DPP6: variants seen among roughly 807,000 people sequenced by gnomAD.
DPP6 encodes A-type potassium channel modulatory protein DPP6.
In DPP6, 69 loss-of-function variants were observed where a neutral mutation model predicts 122.6. That is an observed-to-expected ratio of 0.56 (90% CI 0.46 to 0.69). The LOEUF is 0.69. DPP6 is among the 30% of genes least tolerant of loss of function. The pLI is 0.00. For missense variants in DPP6, 928 were observed against 1,116.9 expected, an observed-to-expected ratio of 0.83 and a Z score of 2.41; for synonymous variants, 418 against 433.1, an observed-to-expected ratio of 0.97 and a Z score of 0.43.
chr7:154,448,242 C>G (rs1820054655), intron 2 of DPP6, among the ~76,000 whole-genome samples: 1 of 152,136 alleles, frequency 6.6e-6, no homozygotes, highest in Non-Finnish European at 1.5e-5. Context: ...AGGAAGATTT[C>G]AGACCAAAAT....
intron 7 of DPP6, among the ~76,000 whole-genome samples, chr7:154,698,774 C>T (rs908755129): frequency 3.3e-5 from 5 of 152,222 alleles, no homozygotes; most frequent in Non-Finnish European, 7.3e-5. Context: ...ACCTCTGAGT[C>T]CTTCACGGTC....
intron 4 of DPP6, among the ~76,000 whole-genome samples, chr7:154,542,939 C>G (rs879748437): frequency 2.0e-5 from 3 of 152,182 alleles, no homozygotes; most frequent in African/African-American, 4.8e-5. Flanking sequence ...CAGCCCAGAA[C>G]CTGGGTACTC....
In DPP6 at chr7:154,000,058, C is replaced by T. The variant is rs564687546; in HGVS notation, c.51+112324C>T. Among the ~76,000 whole-genome samples the T allele has an allele frequency of 5.9e-5, 9 of 152,116 alleles. No individual in the cohort carries two copies. In the East Asian group the frequency reaches 1.7e-3, roughly 29 times the overall value. ...GGAAAAATAAGACTAAGTAAATTTGCTTTGTAATGTTTACAATACCGTATG... is the reference window on the plus strand; with the variant it reads ...GGAAAAATAAGACTAAGTAAATTTGTTTTGTAATGTTTACAATACCGTATG... On this transcript the variant is annotated intron_variant, in intron 1 of 25. Transcript: ENST00000404039.
chr7:153,965,637 C>G lies in DPP6; in HGVS notation c.51+77903C>G, dbSNP rs58988345. 4.1e-4 allele frequency among the ~76,000 whole-genome samples: 63 copies of G among 152,228 alleles called. No individual in the cohort carries two copies. The East Asian group carries it at 0.011, about 27-fold the overall frequency. ...ACGCCATTCTCCTGCCTCAGCCTCC[C>G]GAGTAGCTGGGACTACAGGCGCCCA... On this transcript the variant is annotated intron_variant, in intron 1 of 25. Coordinates refer to the DPP6 transcript ENST00000404039.
At chr7:154,469,094 G>T (rs372199013) in intron 2 of DPP6, among the ~76,000 whole-genome samples, 11 of 152,214 alleles carry the variant, frequency 7.2e-5, no homozygotes, top group South Asian at 6.2e-4. Context: ...AAACAGAAAA[G>T]GAAAATATCA....
At chr7:154,846,040 C>T (rs565825361) in intron 16 of DPP6, among the ~76,000 whole-genome samples, 1 of 152,266 alleles carries the variant, frequency 6.6e-6, no homozygotes, top group East Asian at 1.9e-4. Context: ...CTCATCCCTG[C>T]TCTGTTGGGA....
chr7:153,968,530 A>AT (rs929707939), intron 1 of DPP6: 1 of 151,826 alleles, frequency 6.6e-6, no homozygotes, highest in African/African-American at 2.4e-5. Flanking sequence ...TATGCAACCT[A>AT]TATCATGACC....
intron 1 of DPP6, among the ~76,000 whole-genome samples, chr7:154,143,275 C>A (rs1252691371): frequency 1.3e-5 from 2 of 152,146 alleles, no homozygotes; most frequent in African/African-American, 4.8e-5. Context: ...CGTTCCCAAT[C>A]CTGAAAGTTC....
intron 1 of DPP6, among the ~76,000 whole-genome samples, chr7:154,134,001 T>C (rs1406467028): frequency 6.6e-6 from 1 of 151,680 alleles, no homozygotes; most frequent in Non-Finnish European, 1.5e-5. Context: ...AACCAGACTT[T>C]GTGGAAACTT....
chr7:154,447,505 T>G (rs897034808), intron 2 of DPP6, among the ~76,000 whole-genome samples: 1 of 152,024 alleles, frequency 6.6e-6, no homozygotes, highest in Non-Finnish European at 1.5e-5. Flanking sequence ...ATATAAAACC[T>G]TTTTCCACAG....
intron 1 of DPP6, among the ~76,000 whole-genome samples, chr7:153,926,189 A>G (rs1239888658): frequency 1.3e-5 from 2 of 152,152 alleles, no homozygotes; most frequent in Non-Finnish European, 2.9e-5. Flanking sequence ...CTCATCTGTT[A>G]CCTGTCACCG....
chr7:154,342,804 C>T (rs1810046204), intron 1 of DPP6, among the ~76,000 whole-genome samples: 2 of 152,182 alleles, frequency 1.3e-5, no homozygotes, highest in East Asian at 1.9e-4. Flanking sequence ...CGTCCACTTC[C>T]TAAAAGTTAA....
the DPP6 span, among the ~76,000 whole-genome samples, chr7:153,880,111 A>G: frequency 6.6e-6 from 1 of 152,316 alleles, no homozygotes; most frequent in East Asian, 1.9e-4. Context: ...TGATGTTTGA[A>G]TATTATAATT....
chr7:153,768,341 G>A, the DPP6 span, among the ~76,000 whole-genome samples: 2 of 152,098 alleles, frequency 1.3e-5, no homozygotes, highest in East Asian at 1.9e-4. Context: ...TCACTTAACC[G>A]TCTCAGTAAT....
intron 1 of DPP6, among the ~76,000 whole-genome samples, chr7:154,386,388 G>A (rs1336421768): frequency 2.0e-5 from 3 of 152,026 alleles, no homozygotes; most frequent in Non-Finnish European, 4.4e-5. Context: ...AGATTTGCAG[G>A]AGGAGACTGA....
chr7:154,667,720 TCAAAA>T (rs961586037), intron 6 of DPP6, among the ~76,000 whole-genome samples: 3 of 152,114 alleles, frequency 2.0e-5, no homozygotes, highest in South Asian at 4.1e-4. Context: ...AGACTCCTTC[TCAAAA>T]CAAAACAAAA....
At chr7:154,694,991 C>A (rs760102429) in intron 7 of DPP6, among the ~76,000 whole-genome samples, 18 of 152,150 alleles carry the variant, frequency 1.2e-4, no homozygotes, top group Non-Finnish European at 2.9e-5. Flanking sequence ...TATATGTGCC[C>A]AAAGATTTGA....
At chr7:154,247,711 C>T (rs1802072490) in intron 1 of DPP6, among the ~76,000 whole-genome samples, 2 of 152,054 alleles carry the variant, frequency 1.3e-5, no homozygotes, top group South Asian at 4.2e-4. Flanking sequence ...TCTTCTAAAG[C>T]CCAGTATATA....
intron 7 of DPP6, among the ~76,000 whole-genome samples, chr7:154,717,420 TC>T (rs1841550508): frequency 6.6e-6 from 1 of 151,466 alleles, no homozygotes; most frequent in Non-Finnish European, 1.5e-5. Flanking sequence ...CCCAGCACCT[TC>T]CCAGCACCGT....
Sources: allele counts gnomAD v4.1 joint callset (sites outside exome capture counted in the v4.1 genomes callset), GRCh38; gene constraint gnomAD v4.1.1; transcripts MANE v1.5; gene names NCBI Gene and HGNC (gene_info 2026-07-23, HGNC 2026-07-21).